RPS6KC1: variants seen among roughly 807,000 people sequenced by gnomAD.
RPS6KC1 encodes the protein ribosomal protein S6 kinase C1.
Under a neutral mutation model 103.8 loss-of-function variants are expected in RPS6KC1, and 54 were observed. The ratio of observed to expected loss-of-function variants is 0.52; its 90% CI spans 0.42 to 0.65. RPS6KC1 has a LOEUF of 0.65. RPS6KC1 is among the 30% of genes least tolerant of loss of function. The probability of loss-of-function intolerance (pLI) is 0.00; values close to 1 mark genes in which losing one functional copy is unlikely to be tolerated. For synonymous variants in RPS6KC1, 439 were observed against 438.7 expected, an observed-to-expected ratio of 1.00 and a Z score of -0.01; for missense variants, 1,151 against 1,253.8, an observed-to-expected ratio of 0.92 and a Z score of 1.24.
the RPS6KC1 span, among the ~76,000 whole-genome samples, chr1:213,833,847 A>G: frequency 0.21 from 31,625 of 151,974 alleles, 4,251 homozygotes; most frequent in African/African-American, 0.35. Context: ...TGGGTGGAAA[A>G]CTTTTGAGTC....
At chr1:213,435,881 T>C in the RPS6KC1 span, among the ~76,000 whole-genome samples, 2 of 149,318 alleles carry the variant, frequency 1.3e-5, no homozygotes, top group Non-Finnish European at 1.5e-5. Flanking sequence ...CTGCCAACCC[T>C]AGCAGCCTTG....
At chr1:213,362,495 C>T in the RPS6KC1 span, among the ~76,000 whole-genome samples, 1 of 151,992 alleles carries the variant, frequency 6.6e-6, no homozygotes, top group African/African-American at 2.4e-5. Flanking sequence ...GTTAAGTTAC[C>T]CCAGGCCACA....
the RPS6KC1 span, among the ~76,000 whole-genome samples, chr1:213,756,351 G>A: frequency 6.6e-6 from 1 of 152,230 alleles, no homozygotes; most frequent in South Asian, 2.1e-4. Context: ...TTTGAGGGCT[G>A]TCTGTAGGGA....
At chr1:213,378,752 A>C in the RPS6KC1 span, among the ~76,000 whole-genome samples, 1 of 152,220 alleles carries the variant, frequency 6.6e-6, no homozygotes, top group Admixed American at 6.5e-5. Context: ...GAAGTGAAGA[A>C]TCCTGCCAAG....
At position 213,180,162 on chromosome 1, in the gene RPS6KC1, TA is replaced by T. The variant is rs147804159; in HGVS notation, c.1044+3679del. Reference sequence around the variant, plus strand: ...AAAACAAGGAAATGTTTAACCTGATTAAAAAAAAATGTGTAGTCTTCAAATA... The same window carrying T: ...AAAACAAGGAAATGTTTAACCTGATTAAAAAAAATGTGTAGTCTTCAAATA... On this transcript the variant is annotated intron_variant, in intron 8 of 14. Coordinates refer to ENST00000366960, the MANE Select transcript of RPS6KC1 (RefSeq NM_012424.6). Among the ~76,000 whole-genome samples, 14 of 151,432 alleles carry T rather than the reference TA, an allele frequency of 9.2e-5. No individual in the cohort carries two copies. In the South Asian group the frequency reaches 1.3e-3, roughly 14 times the overall value.
At chr1:213,350,284 G>A in the RPS6KC1 span, among the ~76,000 whole-genome samples, 1 of 152,178 alleles carries the variant, frequency 6.6e-6, no homozygotes, top group Non-Finnish European at 1.5e-5. Flanking sequence ...AGTGGGAACT[G>A]ACCTGGTTCT....
At chr1:213,629,078 T>C in the RPS6KC1 span, among the ~76,000 whole-genome samples, 4 of 152,086 alleles carry the variant, frequency 2.6e-5, no homozygotes, top group Admixed American at 2.6e-4. Context: ...GGGTGGAGAG[T>C]TCTGTAGATG....
intron 8 of RPS6KC1, among the ~76,000 whole-genome samples, chr1:213,200,751 C>G (rs1205412473): frequency 6.6e-6 from 1 of 152,102 alleles, no homozygotes; most frequent in African/African-American, 2.4e-5. Context: ...TATCCAGCAT[C>G]TATAAGGAAC....
At chr1:213,821,762 G>A in the RPS6KC1 span, 1 of 152,156 alleles carries the variant, frequency 6.6e-6, no homozygotes, top group African/African-American at 2.4e-5. Flanking sequence ...AGTCACCAGG[G>A]CACACAGATC....
rs376097853 is a variant in RPS6KC1, at chr1:213,122,071, C to T, written c.472+4661C>T. On this transcript the variant is annotated intron_variant, in intron 5 of 14. Transcript: ENST00000366960. ...CATTTTGAGGATAGCATCTATTGCTCGTCTTTGTAACGGATCCCTTAAATG... is the reference window on the plus strand; with the variant it reads ...CATTTTGAGGATAGCATCTATTGCTTGTCTTTGTAACGGATCCCTTAAATG... Among the ~76,000 whole-genome samples the T allele has an allele frequency of 3.9e-5, 6 of 152,148 alleles. No individual in the cohort carries two copies. In the East Asian group the frequency reaches 5.8e-4, roughly 15 times the overall value.
At chr1:213,490,167 T>C in the RPS6KC1 span, among the ~76,000 whole-genome samples, 3 of 152,114 alleles carry the variant, frequency 2.0e-5, no homozygotes, top group African/African-American at 7.2e-5. Context: ...TAAAGACCCA[T>C]TGGGTGTGGT....
chr1:213,111,323 A>G (rs1318534187), intron 4 of RPS6KC1, among the ~76,000 whole-genome samples: 3 of 152,144 alleles, frequency 2.0e-5, no homozygotes, highest in Admixed American at 6.6e-5. Flanking sequence ...GAGATACTAT[A>G]TATCCCAAAA....
At chr1:213,136,452 G>C (rs1188520660) in intron 6 of RPS6KC1, among the ~76,000 whole-genome samples, 1 of 151,614 alleles carries the variant, frequency 6.6e-6, no homozygotes, top group Non-Finnish European at 1.5e-5. Flanking sequence ...AGGAAGGGAT[G>C]TTAGGCAGAA....
chr1:213,116,071 G>A (rs1297602195), intron 4 of RPS6KC1, among the ~76,000 whole-genome samples: 21 of 151,802 alleles, frequency 1.4e-4, no homozygotes, highest in Non-Finnish European at 2.1e-4. Context: ...TATTAGGTCC[G>A]CTTGGTGCAG....
chr1:213,415,478 T>G, the RPS6KC1 span, among the ~76,000 whole-genome samples: 1 of 152,218 alleles, frequency 6.6e-6, no homozygotes, highest in Non-Finnish European at 1.5e-5. Context: ...GGTCGGCTTC[T>G]CTGTACAATC....
the RPS6KC1 span, among the ~76,000 whole-genome samples, chr1:213,825,925 A>G: frequency 6.6e-6 from 1 of 152,200 alleles, no homozygotes; most frequent in Non-Finnish European, 1.5e-5. Flanking sequence ...AAGCCCATGA[A>G]CTGAAAACAA....
chr1:213,462,176 A>T, the RPS6KC1 span, among the ~76,000 whole-genome samples: 2 of 152,244 alleles, frequency 1.3e-5, no homozygotes, highest in Non-Finnish European at 2.9e-5. Context: ...ATCACTTGTC[A>T]TTAGAAAAAT....
At chr1:213,764,208 A>G in the RPS6KC1 span, among the ~76,000 whole-genome samples, 1 of 152,192 alleles carries the variant, frequency 6.6e-6, no homozygotes, top group Admixed American at 6.5e-5. Context: ...GCAGAGAGAG[A>G]AGCTATTTCT....
chr1:213,270,925 C>T (rs1325180169), intron 14 of RPS6KC1, among the ~76,000 whole-genome samples: 2 of 152,136 alleles, frequency 1.3e-5, no homozygotes, highest in Non-Finnish European at 2.9e-5. Flanking sequence ...ATCAAAATGA[C>T]AGTACCAAGA....
Sources: allele counts gnomAD v4.1 joint callset (sites outside exome capture counted in the v4.1 genomes callset), GRCh38; gene constraint gnomAD v4.1.1; transcripts MANE v1.5; gene names NCBI Gene and HGNC (gene_info 2026-07-23, HGNC 2026-07-21).